Variants in SPSB1 observed in about 807,000 individuals in gnomAD.
SPSB1 encodes the protein SPRY domain-containing SOCS box protein 1.
SPSB1 carries 8 observed loss-of-function variants against 21.2 expected under a neutral mutation model. The ratio of observed to expected loss-of-function variants is 0.38; its 90% confidence interval spans 0.22 to 0.68. SPSB1 has a LOEUF of 0.68. Among genes scored for constraint, SPSB1 ranks in the 30% least tolerant of loss-of-function variants. SPSB1 has a pLI of 0.53. For synonymous variants in SPSB1, 169 were observed against 161.7 expected, an observed-to-expected ratio of 1.05 and a Z score of -0.34; for missense variants, 242 against 377.8, an observed-to-expected ratio of 0.64 and a Z score of 2.98.
chr1:9,361,939 C>G (rs983547133), intron 2 of SPSB1, among the ~76,000 whole-genome samples: 3 of 152,254 alleles, frequency 2.0e-5, no homozygotes, highest in African/African-American at 7.2e-5. Context: ...ACCCCCACTG[C>G]TTTAAAGACA....
At chr1:9,336,211 A>G (rs1305752465) in intron 1 of SPSB1, among the ~76,000 whole-genome samples, 1 of 151,836 alleles carries the variant, frequency 6.6e-6, no homozygotes, top group Admixed American at 6.6e-5. Context: ...CTTAAAACAA[A>G]TTTTCTAATT....
intron 1 of SPSB1, among the ~76,000 whole-genome samples, chr1:9,299,891 A>C (rs1457613347): frequency 6.8e-6 from 1 of 146,236 alleles, no homozygotes; most frequent in Non-Finnish European, 1.5e-5. Context: ...TGAGCCTAGG[A>C]GGTCAAGACT....
chr1:9,294,492 G>A (rs1267146075), intron 1 of SPSB1: 1 of 152,258 alleles, frequency 6.6e-6, no homozygotes, highest in Non-Finnish European at 1.5e-5. Flanking sequence ...CACTAGGCAA[G>A]CCCTGCTGGT....
At chr1:9,328,337 G>A (rs1217022785) in intron 1 of SPSB1, among the ~76,000 whole-genome samples, 1 of 152,214 alleles carries the variant, frequency 6.6e-6, no homozygotes, top group African/African-American at 2.4e-5. Flanking sequence ...TTTTCTTCAA[G>A]TTTGGGAACT....
At chr1:9,340,004 A>G (rs896181590) in intron 1 of SPSB1, among the ~76,000 whole-genome samples, 10 of 151,086 alleles carry the variant, frequency 6.6e-5, no homozygotes, top group African/African-American at 2.4e-4. Flanking sequence ...GACAGCCCTG[A>G]ACCACCTGGG....
intron 1 of SPSB1, among the ~76,000 whole-genome samples, chr1:9,342,423 G>A (rs560385583): frequency 1.2e-4 from 19 of 152,364 alleles, no homozygotes; most frequent in African/African-American, 3.1e-4. Flanking sequence ...AGGCCCCAGC[G>A]TCAACCGTGG....
At position 9,305,140 on chromosome 1, in the gene SPSB1, A is replaced by G. The variant is rs191279610; in HGVS notation, c.-150+12069A>G. ...CTCAGGAGAGTCCCTCTCCTCCCTT[A>G]TAGCCTCAGCCACTGTCACCTATAT... is the stretch of plus-strand genomic sequence containing the variant. On this transcript the variant is annotated intron_variant, in intron 1 of 2. Transcript: ENST00000328089. This position sits in a 1 kb window ranked among gnomAD's most constrained non-coding sequence, Gnocchi z 4.8. 7.8e-3 allele frequency among the ~76,000 whole-genome samples: 1,185 copies of G among 151,832 alleles called. 4 individuals carry two copies. Among genetic ancestry groups the G allele is most frequent in the Middle Eastern group, 0.024 (7 of 292 alleles).
chr1:9,308,509 T>C (rs1289278802), intron 1 of SPSB1, among the ~76,000 whole-genome samples: 1 of 152,220 alleles, frequency 6.6e-6, no homozygotes, highest in Non-Finnish European at 1.5e-5. Flanking sequence ...CCCGACAACT[T>C]GTTCCTGCCT....
intron 1 of SPSB1, among the ~76,000 whole-genome samples, chr1:9,338,349 C>G (rs1439338748): frequency 6.6e-6 from 1 of 152,178 alleles, no homozygotes; most frequent in Non-Finnish European, 1.5e-5. Context: ...TGTATGGGGG[C>G]TCTGGGTGTG....
intron 1 of SPSB1, among the ~76,000 whole-genome samples, chr1:9,340,482 A>T (rs1458961987): frequency 6.6e-6 from 1 of 152,260 alleles, no homozygotes; most frequent in Non-Finnish European, 1.5e-5. Context: ...TTGCTGCCTC[A>T]GCAGAAAAGA....
rs535530381 is a variant in SPSB1, at chr1:9,362,169, A to G, written c.695-5279A>G. On this transcript the variant is annotated intron_variant, in intron 2 of 2. Coordinates refer to ENST00000328089, the MANE Select transcript of SPSB1 (RefSeq NM_025106.4). ...ATCGGGAGACTGATACACCGCCACCAGGGCCACCCACCCTCCCTCCCTCCC... is the reference window on the plus strand; with the variant it reads ...ATCGGGAGACTGATACACCGCCACCGGGGCCACCCACCCTCCCTCCCTCCC... Among the ~76,000 whole-genome samples, 6 of 150,594 alleles carry G rather than the reference A, an allele frequency of 4.0e-5. No homozygotes were observed. The East Asian group carries it at 1.2e-3, about 30-fold the overall frequency.
intron 1 of SPSB1, among the ~76,000 whole-genome samples, chr1:9,303,046 G>T (rs1297100716): frequency 6.6e-6 from 1 of 152,188 alleles, no homozygotes; most frequent in Non-Finnish European, 1.5e-5. Flanking sequence ...GCTTCTTTGG[G>T]CTCCCTGTGC....
intron 1 of SPSB1, among the ~76,000 whole-genome samples, chr1:9,335,996 A>G (rs1639999566): frequency 6.6e-6 from 1 of 152,230 alleles, no homozygotes; most frequent in Non-Finnish European, 1.5e-5. Context: ...GTAAGCATCC[A>G]GCACTGTTTG....
At chr1:9,351,685 G>GACAGATGGA (rs1447537515) in intron 1 of SPSB1, 2 of 152,302 alleles carry the variant, frequency 1.3e-5, no homozygotes, top group African/African-American at 4.8e-5. Flanking sequence ...GAAGGAAGAG[G>GACAGATGGA]ACAGATGGAT....
intron 1 of SPSB1, among the ~76,000 whole-genome samples, chr1:9,340,416 G>GCAAGGC (rs141090917): frequency 0.047 from 7,097 of 152,312 alleles, 400 homozygotes; most frequent in African/African-American, 0.14. Flanking sequence ...GCATGTCAAG[G>GCAAGGC]CAAGGCGTTG....
intron 1 of SPSB1, among the ~76,000 whole-genome samples, chr1:9,329,206 G>A (rs1453762675): frequency 6.6e-6 from 1 of 152,164 alleles, no homozygotes; most frequent in Non-Finnish European, 1.5e-5. Context: ...GTCTGCATGG[G>A]GCCCGAGCAC....
In SPSB1 at chr1:9,363,939, G is replaced by A. The variant is rs1008267889; in HGVS notation, c.695-3509G>A. ...TGGTCTCAAACTCCTGACCTCAGGT[G>A]ATCACCCACCTCGGCCTCCCAAAGT... On this transcript the variant is annotated intron_variant, in intron 2 of 2. Transcript: ENST00000328089. The surrounding 1 kb of genome is among the most constrained non-coding windows in gnomAD (Gnocchi z 4.5). Among the ~76,000 whole-genome samples the A allele has an allele frequency of 2.0e-5, 3 of 152,190 alleles. No homozygotes were observed. Among genetic ancestry groups the A allele is most frequent in the African/African-American group, 7.2e-5 (3 of 41,434 alleles).
intron 1 of SPSB1, among the ~76,000 whole-genome samples, chr1:9,302,707 GA>G (rs1169361319): frequency 6.6e-6 from 1 of 152,206 alleles, no homozygotes; most frequent in Non-Finnish European, 1.5e-5. Context: ...AGAGTCTTTT[GA>G]AGTTGCAATT....
At position 9,367,670 on chromosome 1, in the gene SPSB1, C is replaced by T. The variant is rs1640601435; in HGVS notation, c.*95C>T. 2 of 1,467,450 alleles carry T rather than the reference C, an allele frequency of 1.4e-6. No homozygotes were observed. The highest frequency in any genetic ancestry group is 1.8e-6 in the Non-Finnish European group (2 of 1,105,300). 90.9% of individuals were successfully genotyped at this position (1,467,450 alleles called of 1,614,324 possible). On this transcript the variant is annotated 3_prime_UTR_variant, in exon 3 of 3. Coordinates refer to ENST00000328089, the MANE Select transcript of SPSB1 (RefSeq NM_025106.4). This position sits in a 1 kb window ranked among gnomAD's most constrained non-coding sequence, Gnocchi z 5.9. ...CGCCGCACCCTGCACCTTGGACCGGCATCCGTAGCCATGGACAGAGGTCCC... is the reference window on the plus strand; with the variant it reads ...CGCCGCACCCTGCACCTTGGACCGGTATCCGTAGCCATGGACAGAGGTCCC...
Sources: gnomAD v4.1 joint callset for allele counts (sites outside exome capture counted in the v4.1 genomes callset) on GRCh38, gnomAD v4.1.1 for gene constraint, Gnocchi (gnomAD v3.1) non-coding constraint, MANE v1.5 for transcripts, NCBI Gene and HGNC (gene_info 2026-07-23, HGNC 2026-07-21) for gene names.